The following UMODL1 variants were observed in gnomAD, a reference collection of about 807,000 sequenced individuals.
UMODL1 encodes uromodulin-like 1.
UMODL1 carries 128 observed loss-of-function variants against 136.3 expected under a neutral mutation model. The ratio of observed to expected loss-of-function variants is 0.94; its 90% CI spans 0.81 to 1.09. The LOEUF is 1.09. Ranked by LOEUF, UMODL1 falls within the 50% of genes least tolerant of loss-of-function variation. UMODL1 has a pLI of 0.00. For synonymous variants in UMODL1, 721 were observed against 720.0 expected, an observed-to-expected ratio of 1.00 and a Z score of -0.02; for missense variants, 1,766 against 1,725.6, an observed-to-expected ratio of 1.02 and a Z score of -0.41.
intron 4 of UMODL1, among the ~76,000 whole-genome samples, chr21:42,087,837 C>T (rs906806875): frequency 3.9e-5 from 6 of 152,210 alleles, no homozygotes; most frequent in South Asian, 4.1e-4. Flanking sequence ...CCTCCTGAGG[C>T]CCCCAGGCCT....
intron 5 of UMODL1, 142 bp downstream of exon 5, chr21:42,088,622 C>T (rs2066455595): frequency 1.1e-6 from 1 of 883,124 alleles, no homozygotes; most frequent in Non-Finnish European, 1.7e-6. Flanking sequence ...ATAACTGGTT[C>T]AAGTGTGTTC....
intron 22 of UMODL1, among the ~76,000 whole-genome samples, 175 bp from the exon 23 acceptor site, chr21:42,141,921 C>T (rs1569185085): frequency 6.6e-6 from 1 of 152,244 alleles, no homozygotes; most frequent in African/African-American, 2.4e-5. Flanking sequence ...TTCCACTGGG[C>T]ACTCTGGGAG....
Position 42,113,785 on chromosome 21 carries a change from G to A in UMODL1, c.2317G>A (p.Ala773Thr), listed in dbSNP as rs1322276413. 6.2e-7 allele frequency: 1 copy of A among 1,614,074 alleles called. No individual in the cohort carries two copies. Among genetic ancestry groups the A allele is most frequent in the Admixed American group, 1.7e-5 (1 of 60,024 alleles). The change falls in exon 13 of 23, where the codon GCA becomes ACA. Residue 773 changes from alanine (A) to threonine (T), a missense_variant. Physicochemically the swap from Ala to Thr is moderately conservative, Grantham distance 58 (BLOSUM62 0). Transcript: ENST00000408910. ...VLHLVEIMAK[A>T]CGKEGARAHL... ...GCACCTGGTTGAGATCATGGCCAAA[G>A]CATGTGGGAAAGAAGGTGCCAGAGC...
intron 2 of UMODL1, 52 bp from the exon 3 acceptor site, chr21:42,084,032 A>G: frequency 6.3e-7 from 1 of 1,594,788 alleles, no homozygotes. Flanking sequence ...CGTGCAGCAA[A>G]TCAGGTTTGT....
At chr21:42,138,772 T>A (rs1285910563) in intron 22 of UMODL1, among the ~76,000 whole-genome samples, 1 of 152,052 alleles carries the variant, frequency 6.6e-6, no homozygotes, top group African/African-American at 2.4e-5. Flanking sequence ...ACAGGGTTTC[T>A]CCATGTTGGT....
chr21:42,118,289 G>T (rs893652838), intron 14 of UMODL1, among the ~76,000 whole-genome samples: 12 of 152,240 alleles, frequency 7.9e-5, no homozygotes, highest in African/African-American at 2.7e-4. Context: ...GGGGTCCACA[G>T]GCTCTGAGAG....
At chr21:42,063,407 C>T (rs1310824122) in intron 1 of UMODL1, among the ~76,000 whole-genome samples, 2 of 152,178 alleles carry the variant, frequency 1.3e-5, no homozygotes, top group South Asian at 2.1e-4. Context: ...CGGAGTCCCC[C>T]CTGGTGTCCC....
rs2066603047 is a variant in UMODL1 at position 42,099,667 on chromosome 21, A to G, written c.1186+487A>G. Among the ~76,000 whole-genome samples the G allele has an allele frequency of 6.6e-6, 1 of 151,948 alleles. No individual in the cohort carries two copies. The highest frequency in any genetic ancestry group is 2.1e-4 in the South Asian group (1 of 4,816). On this transcript the variant is annotated intron_variant, in intron 7 of 22. Coordinates refer to ENST00000408910, the MANE Select transcript of UMODL1 (RefSeq NM_001004416.3). This position sits in a 1 kb window ranked among gnomAD's most constrained non-coding sequence, Gnocchi z 4.1. ...GTAAAGCGAATGCCATGCCCACCAC[A>G]TTGGTGCTGGGACAAAACGTTTTTT...
chr21:42,090,263 C>A, intron 5 of UMODL1, 35 bp from the exon 6 acceptor site: 1 of 1,612,010 alleles, frequency 6.2e-7, no homozygotes, highest in Non-Finnish European at 8.5e-7. Context: ...GTAGCTGCGA[C>A]TGCTGAGTGT....
Position 42,089,667 on chromosome 21 carries a change from C to T in UMODL1, c.791-631C>T, listed in dbSNP as rs139385550. 6.7e-3 allele frequency among the ~76,000 whole-genome samples: 1,019 copies of T among 152,296 alleles called. 4 individuals are homozygous for T. The highest frequency in any genetic ancestry group is 0.023 in the African/African-American group (948 of 41,554). The stretch of plus-strand genomic sequence containing the variant: ...CCATCAGAAAATGGAGGCAACTCCA[C>T]GACTGGGAATGTCAATACATCTAAG... On this transcript the variant is annotated intron_variant, in intron 5 of 22. Coordinates refer to ENST00000408910, the MANE Select transcript of UMODL1 (RefSeq NM_001004416.3).
At chr21:42,126,864 GCT>G (rs1463933389) in intron 18 of UMODL1, 140 bp from the exon 19 acceptor site, 3 of 774,530 alleles carry the variant, frequency 3.9e-6, no homozygotes, top group Non-Finnish European at 6.6e-6. Flanking sequence ...GCCTCCAAGT[GCT>G]CTCGTTTGGG....
intron 6 of UMODL1, among the ~76,000 whole-genome samples, chr21:42,092,404 T>A (rs192830451): frequency 2.6e-5 from 4 of 151,812 alleles, no homozygotes; most frequent in Non-Finnish European, 5.9e-5. Context: ...TTTTTTTTTT[T>A]AAACCTTATT....
Position 42,081,887 on chromosome 21 carries a change from C to A in UMODL1, c.320-2197C>A, listed in dbSNP as rs186658366. Among the ~76,000 whole-genome samples, 1,054 of 152,320 alleles carry A rather than the reference C, an allele frequency of 6.9e-3. 5 individuals carry two copies. Among genetic ancestry groups the A allele is most frequent in the Non-Finnish European group, 0.011 (755 of 68,028 alleles). ...TCCGCATGTCTGCTTAACCCTGAGG[C>A]CTTTGCTTTTTGCACTGGGAGACAA... On this transcript the variant is annotated intron_variant, in intron 2 of 22. Coordinates refer to ENST00000408910, the MANE Select transcript of UMODL1 (RefSeq NM_001004416.3).
At chr21:42,141,502 A>G (rs950540908) in intron 22 of UMODL1, among the ~76,000 whole-genome samples, 4 of 152,234 alleles carry the variant, frequency 2.6e-5, no homozygotes, top group African/African-American at 7.2e-5. Context: ...TGAGGCCAAC[A>G]CTATCCCGCT....
rs559076656 is a variant in UMODL1 at position 42,113,898 on chromosome 21, G to A, written c.2362+68G>A. Reference sequence around the variant, plus strand: ...ATGAAAAAGACTTTCTGTGGGTTAAGGCTTAAGAGAGCTGGATTTGTTTAT... The same window carrying A: ...ATGAAAAAGACTTTCTGTGGGTTAAAGCTTAAGAGAGCTGGATTTGTTTAT... On this transcript the variant is annotated intron_variant, in intron 13 of 22. Coordinates refer to ENST00000408910, the MANE Select transcript of UMODL1 (RefSeq NM_001004416.3). 137 of 1,549,942 alleles carry A rather than the reference G, an allele frequency of 8.8e-5. 1 individual carries two copies. The African/African-American group carries it at 1.5e-3, about 17-fold the overall frequency.
chr21:42,084,605 G>A (rs1195894389), intron 3 of UMODL1, among the ~76,000 whole-genome samples: 1 of 152,098 alleles, frequency 6.6e-6, no homozygotes, highest in Non-Finnish European at 1.5e-5. Flanking sequence ...CCTGACGAGC[G>A]CCACAGCACC....
Position 42,113,483 on chromosome 21 carries a change from T to C in UMODL1, c.2105-90T>C, listed in dbSNP as rs986485972. ...CTGCAAATCGCTCATGTCCCCATGG[T>C]GATGAATTTGATTTTTGGCATTGGG... On this transcript the variant is annotated intron_variant, in intron 12 of 22. Transcript: ENST00000408910. 4 of 1,488,566 alleles carry C rather than the reference T, an allele frequency of 2.7e-6. No homozygotes were observed. The Admixed American group carries it at 5.9e-5, about 22-fold the overall frequency. The allele number at this position is 1,488,566 out of a possible 1,614,324, so 92.2% of individuals were successfully genotyped here. A position where few individuals can be genotyped will look rare whatever the true frequency, so the allele number is the denominator to read the frequency against.
chr21:42,122,846 A>G lies in UMODL1; in HGVS notation c.2843A>G (p.Asn948Ser). ...ERPCEGDSPG[N>S]ETWATSPERP... ...TGCCTTGCAGGTGACTCTCCTGGCA[A>G]TGAAACCTGGGCCACCAGCCCAGAG... Residue 948 changes from asparagine (N) to serine (S), a missense_variant, in exon 17 of 23, where the codon AAT becomes AGT. By Grantham distance (46) the Asn-to-Ser change is conservative. Coordinates refer to ENST00000408910, the MANE Select transcript of UMODL1 (RefSeq NM_001004416.3). This position sits in a 1 kb window ranked among gnomAD's most constrained non-coding sequence, Gnocchi z 4.3. 3.1e-6 allele frequency: 5 copies of G among 1,598,234 alleles called. No homozygotes were observed. The highest frequency in any genetic ancestry group is 3.4e-6 in the Non-Finnish European group (4 of 1,169,352).
At position 42,099,050 on chromosome 21, in the gene UMODL1, G is replaced by A. The variant is rs2066593906; in HGVS notation, c.1056G>A (p.Leu352=). 2 of 1,614,216 alleles carry A rather than the reference G, an allele frequency of 1.2e-6. No homozygotes were observed. The highest frequency in any genetic ancestry group is 1.7e-6 in the Non-Finnish European group (2 of 1,180,044). Residue 352 remains leucine, a synonymous_variant, in exon 7 of 23, where the codon TTG becomes TTA. Transcript: ENST00000408910. The surrounding 1 kb of genome is among the most constrained non-coding windows in gnomAD (Gnocchi z 4.1). The part of the protein sequence containing the change: ...FHVRVYRGME[L]LRSARTQSQA... ...TCCGGGTTTACCGGGGTATGGAGTT[G>A]CTCAGGAGCGCCAGGACACAGAGCC...
Sources: gnomAD v4.1 joint callset for allele counts (sites outside exome capture counted in the v4.1 genomes callset) on GRCh38, gnomAD v4.1.1 for gene constraint, Gnocchi (gnomAD v3.1) non-coding constraint, MANE v1.5 for transcripts, NCBI Gene and HGNC (gene_info 2026-07-23, HGNC 2026-07-21) for gene names.